The following PRICKLE2 variants were observed in gnomAD, a reference collection of about 807,000 sequenced individuals.
The protein encoded by PRICKLE2 is prickle-like protein 2.
A neutral mutation model predicts 81.4 loss-of-function variants in PRICKLE2; 21 were observed. The ratio of observed to expected loss-of-function variants is 0.26; its 90% CI spans 0.18 to 0.37. The LOEUF (loss-of-function observed/expected upper bound fraction) is 0.37. PRICKLE2 is among the 10% of genes least tolerant of loss of function. The pLI, the probability that PRICKLE2 is intolerant of heterozygous loss-of-function variation, is 1.00. For missense variants in PRICKLE2, 940 were observed against 1,109.0 expected (o/e 0.85, Z 2.16); for synonymous variants, 456 against 421.5 (o/e 1.08, Z -1.00).
chr3:64,142,294 G>A, intron 7 of PRICKLE2, among the ~76,000 whole-genome samples: 1 of 147,430 alleles, frequency 6.8e-6, no homozygotes, highest in Non-Finnish European at 1.5e-5. Context: ...GCCTGCAGGA[G>A]TATTTTCTTT....
At chr3:64,100,036 G>A in intron 7 of PRICKLE2, 111 bp from the exon 8 acceptor site, 1 of 1,243,616 alleles carries the variant, frequency 8.0e-7, no homozygotes, top group East Asian at 2.3e-5. Context: ...GTGAAGTTGT[G>A]TACTGCACAA....
intron 2 of PRICKLE2, among the ~76,000 whole-genome samples, chr3:64,182,031 G>C (rs2078144073): frequency 6.6e-6 from 1 of 152,304 alleles, no homozygotes; most frequent in South Asian, 2.1e-4. Flanking sequence ...CAAGTGCAAA[G>C]GCATGAGGTG....
chr3:64,164,131 G>A (rs1242237250), intron 2 of PRICKLE2, among the ~76,000 whole-genome samples: 2 of 152,050 alleles, frequency 1.3e-5, no homozygotes, highest in Non-Finnish European at 2.9e-5. Flanking sequence ...CCAGCACCTT[G>A]GGGGGCTGAG....
At chr3:64,213,782 C>T (rs1295284268) in intron 1 of PRICKLE2, among the ~76,000 whole-genome samples, 1 of 152,162 alleles carries the variant, frequency 6.6e-6, no homozygotes, top group Non-Finnish European at 1.5e-5. Context: ...TCAAACCACA[C>T]TATGAGAAGA....
chr3:64,121,087 CT>C (rs1201232472), intron 7 of PRICKLE2, among the ~76,000 whole-genome samples: 1 of 152,188 alleles, frequency 6.6e-6, no homozygotes. Context: ...TGGGCTCCCC[CT>C]CTGCACAGAT....
At chr3:64,106,327 G>A (rs1482477320) in intron 7 of PRICKLE2, among the ~76,000 whole-genome samples, 2 of 152,282 alleles carry the variant, frequency 1.3e-5, no homozygotes, top group East Asian at 3.9e-4. Flanking sequence ...ACCGCTCACT[G>A]CCTGTTTTTC....
At chr3:64,243,378 C>T (rs115133780) in intron 2 of PRICKLE2, among the ~76,000 whole-genome samples, 3 of 152,200 alleles carry the variant, frequency 2.0e-5, no homozygotes, top group Admixed American at 6.5e-5. Flanking sequence ...TTTCCCCAGT[C>T]GTGAAAACCA....
chr3:64,146,653 G>A (rs1391619446), intron 7 of PRICKLE2, 177 bp downstream of exon 7: 3 of 649,226 alleles, frequency 4.6e-6, no homozygotes, highest in Non-Finnish European at 7.9e-6. Flanking sequence ...TGAGGCAGGA[G>A]AATGGCGTGA....
At chr3:64,155,148 TAAAAAAAAAA>T (rs1191150611) in intron 5 of PRICKLE2, 2 of 93,558 alleles carry the variant, frequency 2.1e-5, no homozygotes, top group Admixed American at 2.5e-4. Context: ...GACTCTGTCT[TAAAAAAAAAA>T]AAAAAAAAAA....
At chr3:64,220,851 C>A (rs11924614) in intron 1 of PRICKLE2, among the ~76,000 whole-genome samples, 72,762 of 151,954 alleles carry the variant, frequency 0.48, 18,814 homozygotes, top group Non-Finnish European at 0.57. Context: ...GCCAAACATG[C>A]GCTAAAGTTT....
At chr3:64,207,011 C>A (rs945516006) in intron 1 of PRICKLE2, among the ~76,000 whole-genome samples, 2 of 151,560 alleles carry the variant, frequency 1.3e-5, no homozygotes, top group African/African-American at 4.9e-5. Context: ...GCAATCCTCC[C>A]ATCTCAGCCT....
chr3:64,166,240 G>C (rs1435474041), intron 2 of PRICKLE2, among the ~76,000 whole-genome samples: 1 of 152,134 alleles, frequency 6.6e-6, no homozygotes, highest in Non-Finnish European at 1.5e-5. Flanking sequence ...TCAAGAGTCT[G>C]TCCTAGAGTG....
intron 5 of PRICKLE2, among the ~76,000 whole-genome samples, chr3:64,156,041 T>G (rs2077630787): frequency 6.6e-6 from 1 of 152,192 alleles, no homozygotes; most frequent in Non-Finnish European, 1.5e-5. Context: ...ATAAACAAAT[T>G]TCAAAGTGTG....
In PRICKLE2 at chr3:64,156,422, T is replaced by C. The variant is rs370625516; in HGVS notation, c.600+740A>G. ...AAACTCCTTTGCACAGGAGGAAACC[T>C]CTGTCTAGGACTTTTACCCAAATTA... is the stretch of plus-strand genomic sequence containing the variant. On this transcript the variant is annotated intron_variant, in intron 5 of 7. Transcript: ENST00000638394. 1.1e-4 allele frequency among the ~76,000 whole-genome samples: 17 copies of C among 152,340 alleles called. No individual in the cohort carries two copies. In the East Asian group the frequency reaches 3.1e-3, roughly 28 times the overall value.
At chr3:64,114,211 A>G (rs1358272329) in intron 7 of PRICKLE2, among the ~76,000 whole-genome samples, 1 of 151,740 alleles carries the variant, frequency 6.6e-6, no homozygotes, top group Non-Finnish European at 1.5e-5. Flanking sequence ...AAAAAAAAAA[A>G]CCATGCAAAG....
At chr3:64,238,066 T>A (rs973001878) in intron 2 of PRICKLE2, among the ~76,000 whole-genome samples, 1 of 152,188 alleles carries the variant, frequency 6.6e-6, no homozygotes, top group African/African-American at 2.4e-5. Flanking sequence ...GCAGCCACCA[T>A]CTTGATCAGG....
chr3:64,109,402 A>T (rs917285451), intron 7 of PRICKLE2, among the ~76,000 whole-genome samples: 1 of 151,628 alleles, frequency 6.6e-6, no homozygotes, highest in Non-Finnish European at 1.5e-5. Context: ...TTACTTCCTT[A>T]CTCCAGCCAC....
chr3:64,253,972 T>G (rs1438910388), intron 2 of PRICKLE2, among the ~76,000 whole-genome samples: 5 of 152,180 alleles, frequency 3.3e-5, no homozygotes, highest in Non-Finnish European at 5.9e-5. Context: ...CCTCGTGAGA[T>G]GAGTGATTAC....
At chr3:64,146,742 C>CA (rs74861606) in intron 7 of PRICKLE2, 88 bp downstream of exon 7, 86,687 of 1,124,214 alleles carry the variant, frequency 0.077, 4 homozygotes, top group Middle Eastern at 0.086. Flanking sequence ...GACTCCATTT[C>CA]AAAAAAAAAA....
Sources: gnomAD v4.1 joint callset for allele counts (sites outside exome capture counted in the v4.1 genomes callset) on GRCh38, gnomAD v4.1.1 for gene constraint, MANE v1.5 for transcripts, NCBI Gene and HGNC (gene_info 2026-07-23, HGNC 2026-07-21) for gene names.